SLIT1: variants seen among roughly 807,000 people sequenced by gnomAD.
SLIT1 encodes slit guidance ligand 1, also known as slit homolog 1 protein.
In SLIT1, 66 loss-of-function variants were observed where a neutral mutation model predicts 186.1. The observed-to-expected ratio is 0.35, with a 90% CI of 0.29 to 0.44. The LOEUF is 0.44. Among genes scored for constraint, SLIT1 ranks in the 20% least tolerant of loss-of-function variants. The probability of loss-of-function intolerance (pLI) is 1.00; values close to 1 mark genes in which losing one functional copy is unlikely to be tolerated. For synonymous variants in SLIT1, 761 were observed against 833.8 expected, an observed-to-expected ratio of 0.91 and a Z score of 1.50; for missense variants, 1,638 against 2,037.4, an observed-to-expected ratio of 0.80 and a Z score of 3.77.
intron 1 of SLIT1, among the ~76,000 whole-genome samples, chr10:97,183,875 G>A (rs144443332): frequency 6.6e-6 from 1 of 152,114 alleles, no homozygotes; most frequent in Non-Finnish European, 1.5e-5. Context: ...CACTGCGGGG[G>A]TCCTCTGGAC....
intron 2 of SLIT1, among the ~76,000 whole-genome samples, chr10:97,164,156 T>C (rs1850070310): frequency 6.6e-6 from 1 of 152,234 alleles, no homozygotes. Context: ...CACCAACAGA[T>C]TGACTGTTGC....
rs770216986 is a variant in SLIT1, at chr10:97,021,270, G to T, written c.2726C>A (p.Ala909Asp). 6.2e-7 allele frequency: 1 copy of T among 1,614,086 alleles called. No individual in the cohort carries two copies. Among genetic ancestry groups the T allele is most frequent in the Non-Finnish European group, 8.5e-7 (1 of 1,179,942 alleles). The change falls in exon 26 of 37, where the codon GCC becomes GAC. Residue 909 changes from alanine to aspartate, a missense_variant. This residue lies in a region of SLIT1 where 1,245 missense variants were observed against 1,535.3 expected (regional missense o/e 0.81). Coordinates refer to ENST00000266058, the MANE Select transcript of SLIT1 (RefSeq NM_003061.3). The surrounding 1 kb of genome is among the most constrained non-coding windows in gnomAD (Gnocchi z 4.5). ...MEGKLLLTTP[A>D]KKFECQGPPT... ...CTCACCTTGGCATTCAAACTTCTTG[G>T]CAGGCGTGGTGAGGAGCAGCTTGCC...
At chr10:97,116,954 G>T (rs748403261) in intron 4 of SLIT1, among the ~76,000 whole-genome samples, 7 of 152,146 alleles carry the variant, frequency 4.6e-5, no homozygotes, top group Admixed American at 3.9e-4. Flanking sequence ...AACACACTCT[G>T]CTGCCCACTG....
intron 22 of SLIT1, among the ~76,000 whole-genome samples, chr10:97,036,246 A>C (rs1848637352): frequency 6.6e-6 from 1 of 152,138 alleles, no homozygotes; most frequent in Non-Finnish European, 1.5e-5. Context: ...AATGTTCAAC[A>C]CACTTTGTGG....
intron 11 of SLIT1, chr10:97,057,748 C>T: frequency 2.1e-6 from 1 of 468,678 alleles, no homozygotes; most frequent in East Asian, 3.3e-5. Flanking sequence ...GGACTTCAAG[C>T]ATTTTTTTTT....
Position 97,068,281 on chromosome 10 carries a change from C to T in SLIT1, c.414-2195G>A, listed in dbSNP as rs74152129. ...TGGGGTTCGAGGCCTGGCCCTCCCC[C>T]TCCTGGCCATACATCTGCAAGGCAC... On this transcript the variant is annotated intron_variant, in intron 4 of 36. Transcript: ENST00000266058. The surrounding 1 kb of genome is among the most constrained non-coding windows in gnomAD (Gnocchi z 4.2). Among the ~76,000 whole-genome samples the T allele has an allele frequency of 1.2e-4, 19 of 152,242 alleles. No homozygotes were observed. The highest frequency in any genetic ancestry group is 2.4e-4 in the African/African-American group (10 of 41,524).
chr10:97,063,889 C>T (rs979356114), intron 7 of SLIT1, among the ~76,000 whole-genome samples: 3 of 152,162 alleles, frequency 2.0e-5, no homozygotes, highest in African/African-American at 7.2e-5. Flanking sequence ...TGACCTTGCA[C>T]AGGCTCACTT....
At chr10:97,003,384 C>T (rs1161518535) in intron 34 of SLIT1, among the ~76,000 whole-genome samples, 1 of 152,268 alleles carries the variant, frequency 6.6e-6, no homozygotes, top group Non-Finnish European at 1.5e-5. Flanking sequence ...CGCTAGGTCA[C>T]TGCTTTTGTG....
intron 4 of SLIT1, among the ~76,000 whole-genome samples, chr10:97,097,086 C>T (rs1002521474): frequency 1.3e-4 from 20 of 152,176 alleles, no homozygotes; most frequent in Non-Finnish European, 2.5e-4. Context: ...GACCCTGCCT[C>T]CGGGCTCCTC....
intron 1 of SLIT1, among the ~76,000 whole-genome samples, chr10:97,165,180 G>C (rs1028368266): frequency 1.3e-5 from 2 of 152,334 alleles, no homozygotes; most frequent in South Asian, 4.1e-4. Flanking sequence ...GGAGAGATGA[G>C]ACATTCACCC....
chr10:97,035,744 T>C (rs1276048724), intron 22 of SLIT1, among the ~76,000 whole-genome samples: 1 of 152,172 alleles, frequency 6.6e-6, no homozygotes, highest in Non-Finnish European at 1.5e-5. Flanking sequence ...TCGGCACTCC[T>C]GGGTCTAGCC....
chr10:97,081,944 T>C (rs1320496235), intron 4 of SLIT1, among the ~76,000 whole-genome samples: 1 of 152,220 alleles, frequency 6.6e-6, no homozygotes, highest in Non-Finnish European at 1.5e-5. Flanking sequence ...CCTTGTCTAC[T>C]CAGCTCTTCT....
intron 4 of SLIT1, among the ~76,000 whole-genome samples, chr10:97,072,801 T>A (rs976998955): frequency 7.9e-5 from 12 of 152,232 alleles, no homozygotes; most frequent in Admixed American, 7.9e-4. Context: ...CAACTCCTGC[T>A]TCTGCTATTG....
chr10:97,148,289 C>CTTTT (rs34334845), intron 4 of SLIT1, among the ~76,000 whole-genome samples: 1 of 144,908 alleles, frequency 6.9e-6, no homozygotes. Context: ...TAGTACTAAG[C>CTTTT]TTTTTTTTTT....
rs201985741 is a variant in SLIT1 at position 97,063,420 on chromosome 10, G to A, written c.793+35C>T. 1.2e-5 allele frequency: 20 copies of A among 1,610,054 alleles called. No homozygotes were observed. The East Asian group carries it at 1.3e-4, about 11-fold the overall frequency. ...AACAAGAGGCAGGGCAGGAGGCGCCGGACAGTTGAGAGCCCGGCAGGGGTC... is the reference window on the plus strand; with the variant it reads ...AACAAGAGGCAGGGCAGGAGGCGCCAGACAGTTGAGAGCCCGGCAGGGGTC... On this transcript the variant is annotated intron_variant, in intron 8 of 36. Transcript: ENST00000266058.
chr10:97,133,268 C>G (rs1849671225), intron 4 of SLIT1, among the ~76,000 whole-genome samples: 1 of 152,228 alleles, frequency 6.6e-6, no homozygotes, highest in African/African-American at 2.4e-5. Context: ...AAGATACACA[C>G]TGGGCCAGGC....
At chr10:97,057,730 G>A (rs1301267824) in intron 11 of SLIT1, 11 of 448,874 alleles carry the variant, frequency 2.5e-5, no homozygotes, top group South Asian at 7.5e-5. Flanking sequence ...TGTGAGATCC[G>A]GATGGTGGGA....
intron 4 of SLIT1, among the ~76,000 whole-genome samples, chr10:97,106,192 G>C (rs190296698): frequency 1.1e-4 from 16 of 152,264 alleles, no homozygotes; most frequent in Admixed American, 8.5e-4. Flanking sequence ...GTTCCAGATG[G>C]AAACAGAATC....
In SLIT1 at chr10:97,000,828, C is replaced by G. The variant is rs112041470; in HGVS notation, c.*284G>C. 566 of 451,454 alleles carry G rather than the reference C, an allele frequency of 1.3e-3. 1 individual carries two copies. The highest frequency in any genetic ancestry group is 0.012 in the Middle Eastern group (19 of 1,630). The allele number at this position is 451,454 out of a possible 1,614,324, so 28.0% of individuals were successfully genotyped here. On this transcript the variant is annotated 3_prime_UTR_variant, in exon 37 of 37. Transcript: ENST00000266058. ...CGTTCTGCACTTCTTGGCCTGACCTCACGCACACATTCACTCAACAAATAT... is the reference window on the plus strand; with the variant it reads ...CGTTCTGCACTTCTTGGCCTGACCTGACGCACACATTCACTCAACAAATAT...
Sources: gnomAD v4.1 joint callset for allele counts (sites outside exome capture counted in the v4.1 genomes callset) on GRCh38, gnomAD v4.1.1 for gene constraint, gnomAD v4.1.1 regional missense constraint, Gnocchi (gnomAD v3.1) non-coding constraint, MANE v1.5 for transcripts, NCBI Gene and HGNC (gene_info 2026-07-23, HGNC 2026-07-21) for gene names.